PTPRD: variants seen among roughly 807,000 people sequenced by gnomAD.
PTPRD encodes the protein receptor-type tyrosine-protein phosphatase delta.
A neutral mutation model predicts 214.5 loss-of-function variants in PTPRD; 34 were observed. That is an observed-to-expected ratio of 0.16 (90% CI 0.12 to 0.21). PTPRD has a LOEUF of 0.21. Among genes scored for constraint, PTPRD ranks in the 10% least tolerant of loss-of-function variants. The pLI is 1.00. For missense variants in PTPRD, 2,545 were observed against 2,398.7 expected, an observed-to-expected ratio of 1.06 and a Z score of -1.27; for synonymous variants, 1,128 against 845.7, an observed-to-expected ratio of 1.33 and a Z score of -5.79.
At chr9:10,141,988 A>G (rs569591160) in intron 3 of PTPRD, among the ~76,000 whole-genome samples, 2,549 of 152,256 alleles carry the variant, frequency 0.017, 64 homozygotes, top group African/African-American at 0.058. Flanking sequence ...CAACTATCTG[A>G]TCTTTGACAA....
At chr9:10,116,459 C>G (rs1443990355) in intron 3 of PTPRD, among the ~76,000 whole-genome samples, 1 of 152,130 alleles carries the variant, frequency 6.6e-6, no homozygotes. Flanking sequence ...AATATTGCCA[C>G]AGATACCTTA....
chr9:10,069,946 G>C (rs1036623952), intron 3 of PTPRD, among the ~76,000 whole-genome samples: 4 of 151,922 alleles, frequency 2.6e-5, no homozygotes, highest in African/African-American at 9.7e-5. Flanking sequence ...TGATGCTCTA[G>C]GATACTATTT....
intron 9 of PTPRD, among the ~76,000 whole-genome samples, chr9:9,336,166 A>T (rs1208252805): frequency 6.7e-6 from 1 of 149,410 alleles, no homozygotes; most frequent in Non-Finnish European, 1.5e-5. Flanking sequence ...AGAGAAACAA[A>T]GATAGGCTCT....
intron 8 of PTPRD, among the ~76,000 whole-genome samples, chr9:9,436,293 G>A (rs960229131): frequency 8.6e-5 from 13 of 151,862 alleles, no homozygotes; most frequent in African/African-American, 2.2e-4. Context: ...ACTCTTTCTC[G>A]GTTTCACTCC....
chr9:10,278,641 A>C (rs190228393), intron 3 of PTPRD, among the ~76,000 whole-genome samples: 8 of 152,304 alleles, frequency 5.3e-5, no homozygotes, highest in South Asian at 4.2e-4. Context: ...TATAAACACA[A>C]CACCATAAAT....
intron 8 of PTPRD, among the ~76,000 whole-genome samples, chr9:9,494,682 A>T (rs1267866487): frequency 6.6e-6 from 1 of 152,244 alleles, no homozygotes; most frequent in Non-Finnish European, 1.5e-5. Context: ...AAAGAAATAG[A>T]AATATGCCTC....
intron 12 of PTPRD, among the ~76,000 whole-genome samples, chr9:8,674,005 T>TGGA (rs1014398258): frequency 6.6e-6 from 1 of 152,138 alleles, no homozygotes; most frequent in Non-Finnish European, 1.5e-5. Flanking sequence ...CCCCACCAGG[T>TGGA]GGAGACCCAC....
At position 9,903,106 on chromosome 9, in the gene PTPRD, A is replaced by T. The variant is rs543910428; in HGVS notation, c.-368+35401T>A. The stretch of plus-strand genomic sequence containing the variant: ...TATATTCTTAACCACCTGTAGCATG[A>T]AATAAGTAATCAAATGTGAAAGAAA... On this transcript the variant is annotated intron_variant, in intron 5 of 45. Coordinates refer to ENST00000381196, the MANE Select transcript of PTPRD (RefSeq NM_002839.4). Among the ~76,000 whole-genome samples, 5 of 152,310 alleles carry T rather than the reference A, an allele frequency of 3.3e-5. No individual in the cohort carries two copies. In the East Asian group the frequency reaches 7.7e-4, roughly 24 times the overall value.
At chr9:8,657,757 T>A (rs1440817767) in intron 12 of PTPRD, among the ~76,000 whole-genome samples, 4 of 152,162 alleles carry the variant, frequency 2.6e-5, no homozygotes, top group African/African-American at 9.6e-5. Flanking sequence ...TTTTACTAAG[T>A]CTAAGTTTTA....
At chr9:9,359,755 A>G (rs978206596) in intron 9 of PTPRD, among the ~76,000 whole-genome samples, 4 of 151,122 alleles carry the variant, frequency 2.6e-5, no homozygotes, top group African/African-American at 9.7e-5. Flanking sequence ...CTTTATTGAC[A>G]TCTGACTTCG....
At chr9:10,305,526 C>A (rs548788729) in intron 3 of PTPRD, among the ~76,000 whole-genome samples, 1 of 151,974 alleles carries the variant, frequency 6.6e-6, no homozygotes, top group Admixed American at 6.6e-5. Flanking sequence ...ATCCATCTGA[C>A]AAAGGGCTAA....
rs10977290 is a variant in PTPRD at position 8,774,574 on chromosome 9, G to A, written c.-103-40628C>T. On this transcript the variant is annotated intron_variant, in intron 11 of 45. Transcript: ENST00000381196. ...TTTGAAACGGAGTTTTGCTCTTGTT[G>A]CCCAGGCTGGAGTGCAATGGCGCAA... Among the ~76,000 whole-genome samples, 517 of 98,956 alleles carry A rather than the reference G, an allele frequency of 5.2e-3. 2 individuals are homozygous for A. Among genetic ancestry groups the A allele is most frequent in the African/African-American group, 0.02 (501 of 24,976 alleles). The allele number at this position is 98,956 out of a possible 152,430, so 64.9% of individuals were successfully genotyped here. A position where few individuals can be genotyped will look rare whatever the true frequency, so the allele number is the denominator to read the frequency against.
intron 33 of PTPRD, among the ~76,000 whole-genome samples, chr9:8,456,673 T>G (rs985328675): frequency 6.6e-6 from 1 of 152,150 alleles, no homozygotes; most frequent in African/African-American, 2.4e-5. Flanking sequence ...AGAGCCAGTG[T>G]TGGAGCAGGA....
intron 3 of PTPRD, among the ~76,000 whole-genome samples, chr9:10,314,075 T>G (rs1287774064): frequency 6.6e-6 from 1 of 151,932 alleles, no homozygotes; most frequent in Non-Finnish European, 1.5e-5. Flanking sequence ...ATTTTTTCAT[T>G]AGCCTAATAA....
intron 2 of PTPRD, among the ~76,000 whole-genome samples, chr9:10,466,074 C>G (rs1189328369): frequency 6.6e-6 from 1 of 152,142 alleles, no homozygotes; most frequent in African/African-American, 2.4e-5. Context: ...GCTGGGGATA[C>G]TACTGTGATG....
At chr9:10,264,335 A>G (rs1308033789) in intron 3 of PTPRD, among the ~76,000 whole-genome samples, 1 of 152,178 alleles carries the variant, frequency 6.6e-6, no homozygotes, top group East Asian at 1.9e-4. Flanking sequence ...ATGGCAGTCC[A>G]CAAAGGCAGC....
chr9:9,320,801 T>A (rs1256766128), intron 9 of PTPRD, among the ~76,000 whole-genome samples: 1 of 152,186 alleles, frequency 6.6e-6, no homozygotes, highest in Non-Finnish European at 1.5e-5. Flanking sequence ...CCTCTACATA[T>A]TTGGGAGGAG....
intron 11 of PTPRD, among the ~76,000 whole-genome samples, chr9:8,997,700 G>A (rs879628043): frequency 6.6e-6 from 1 of 152,064 alleles, no homozygotes; most frequent in Non-Finnish European, 1.5e-5. Flanking sequence ...TAAGTCAAAA[G>A]CTAGAAATGA....
At chr9:10,424,007 T>C (rs917243024) in intron 2 of PTPRD, among the ~76,000 whole-genome samples, 30 of 151,990 alleles carry the variant, frequency 2.0e-4, no homozygotes, top group African/African-American at 7.0e-4. Flanking sequence ...AACAAATTAA[T>C]TGCGGAAAGC....
Sources: allele counts gnomAD v4.1 joint callset (sites outside exome capture counted in the v4.1 genomes callset), GRCh38; gene constraint gnomAD v4.1.1; transcripts MANE v1.5; gene names NCBI Gene and HGNC (gene_info 2026-07-23, HGNC 2026-07-21).